The following SYNPO2 variants were observed in gnomAD, a reference collection of about 807,000 sequenced individuals.
SYNPO2 encodes the protein synaptopodin 2.
SYNPO2 carries 56 observed loss-of-function variants against 85.0 expected under a neutral mutation model. That is an observed-to-expected ratio of 0.66 (90% CI 0.53 to 0.82). The LOEUF is 0.82. Among genes scored for constraint, SYNPO2 ranks in the 40% least tolerant of loss-of-function variants. SYNPO2 has a pLI of 0.00. For missense variants in SYNPO2, 1,575 were observed against 1,534.2 expected (o/e 1.03, Z -0.44); for synonymous variants, 602 against 591.1 (o/e 1.02, Z -0.27).
intron 1 of SYNPO2, among the ~76,000 whole-genome samples, chr4:118,900,149 A>G (rs1417111160): frequency 6.6e-6 from 1 of 152,246 alleles, no homozygotes; most frequent in East Asian, 1.9e-4. Context: ...TTAAAGAATA[A>G]TAAATTTAAA....
chr4:118,905,087 C>G (rs987972383), intron 1 of SYNPO2, among the ~76,000 whole-genome samples: 1 of 152,142 alleles, frequency 6.6e-6, no homozygotes, highest in Non-Finnish European at 1.5e-5. Flanking sequence ...CCATCCTACC[C>G]GCATGCTACA....
intron 1 of SYNPO2, among the ~76,000 whole-genome samples, chr4:119,023,067 C>T (rs914966397): frequency 7.9e-5 from 12 of 152,108 alleles, no homozygotes; most frequent in South Asian, 2.1e-4. Flanking sequence ...TAAGCCACCA[C>T]GCCTGGCCTG....
intron 1 of SYNPO2, among the ~76,000 whole-genome samples, chr4:118,880,966 C>A (rs1321750509): frequency 6.6e-6 from 1 of 151,862 alleles, no homozygotes; most frequent in Non-Finnish European, 1.5e-5. Flanking sequence ...AAAATGAGGT[C>A]TTTAGGGTGG....
intron 1 of SYNPO2, among the ~76,000 whole-genome samples, chr4:118,960,403 A>G (rs1020258643): frequency 6.6e-6 from 1 of 152,264 alleles, no homozygotes; most frequent in African/African-American, 2.4e-5. Flanking sequence ...AATACTAGCA[A>G]GAATATGGAG....
rs115317282 is a variant in SYNPO2, at chr4:118,986,056, A to T, written c.106-37374A>T. Reference sequence around the variant, plus strand: ...ATTCTGTGGACAAGGATGTGACTCTATGAAAGAAACCTTCTTCCCCTCTGC... The same window carrying T: ...ATTCTGTGGACAAGGATGTGACTCTTTGAAAGAAACCTTCTTCCCCTCTGC... On this transcript the variant is annotated intron_variant, in intron 1 of 4. Coordinates refer to ENST00000307142, the MANE Select transcript of SYNPO2 (RefSeq NM_133477.3). Among the ~76,000 whole-genome samples the T allele has an allele frequency of 6.6e-3, 1,004 of 152,324 alleles. 9 individuals are homozygous for T. Among genetic ancestry groups the T allele is most frequent in the Middle Eastern group, 0.031 (9 of 294 alleles).
intron 1 of SYNPO2, among the ~76,000 whole-genome samples, chr4:118,948,768 A>G (rs1037894436): frequency 6.6e-6 from 1 of 152,218 alleles, no homozygotes; most frequent in African/African-American, 2.4e-5. Flanking sequence ...GACATTCATG[A>G]GTGATTCGTT....
intron 1 of SYNPO2, among the ~76,000 whole-genome samples, chr4:118,915,027 A>G (rs1733266368): frequency 6.6e-6 from 1 of 151,796 alleles, no homozygotes; most frequent in South Asian, 2.1e-4. Context: ...AAAAAACAGA[A>G]AAATCAATGA....
intron 1 of SYNPO2, among the ~76,000 whole-genome samples, chr4:118,859,528 T>A (rs1399938596): frequency 2.0e-5 from 3 of 152,206 alleles, no homozygotes; most frequent in Non-Finnish European, 4.4e-5. Flanking sequence ...ATCTAACTAC[T>A]TTTTTGTACC....
intron 1 of SYNPO2, among the ~76,000 whole-genome samples, chr4:118,952,431 G>T (rs1734733395): frequency 6.6e-6 from 1 of 151,834 alleles, no homozygotes; most frequent in Admixed American, 6.6e-5. Context: ...TGCACAATGT[G>T]CAGGTTTGTT....
At chr4:118,981,329 C>T (rs1009336396) in intron 1 of SYNPO2, among the ~76,000 whole-genome samples, 1 of 152,204 alleles carries the variant, frequency 6.6e-6, no homozygotes, top group South Asian at 2.1e-4. Flanking sequence ...AATTCCTAAG[C>T]CTGCTCACAT....
At chr4:119,025,927 AG>A (rs1329312663) in intron 2 of SYNPO2, among the ~76,000 whole-genome samples, 2 of 152,224 alleles carry the variant, frequency 1.3e-5, no homozygotes, top group African/African-American at 2.4e-5. Flanking sequence ...TGAGAGATAA[AG>A]GAACAGTTTG....
At chr4:118,900,780 T>TATCTATCTATC (rs1332108981) in intron 1 of SYNPO2, among the ~76,000 whole-genome samples, 4 of 147,888 alleles carry the variant, frequency 2.7e-5, no homozygotes, top group African/African-American at 7.5e-5. Context: ...TCTATCTATC[T>TATCTATCTATC]ATCTATAGAT....
At chr4:119,012,381 T>C (rs553701157) in intron 1 of SYNPO2, among the ~76,000 whole-genome samples, 1 of 125,652 alleles carries the variant, frequency 8.0e-6, no homozygotes, top group East Asian at 2.3e-4. Flanking sequence ...TTTTCTTTTT[T>C]TTTTTTTTTT....
intron 1 of SYNPO2, among the ~76,000 whole-genome samples, chr4:118,918,046 G>A (rs963614377): frequency 1.3e-5 from 2 of 152,254 alleles, no homozygotes; most frequent in South Asian, 2.1e-4. Context: ...AGAGAAAGTA[G>A]GTGAAGAGTG....
intron 1 of SYNPO2, among the ~76,000 whole-genome samples, chr4:118,857,612 ATT>A (rs1731528696): frequency 1.3e-5 from 2 of 152,234 alleles, no homozygotes; most frequent in Non-Finnish European, 2.9e-5. Context: ...AATCTGTGAA[ATT>A]ACTAACATTT....
At chr4:119,035,091 T>C (rs1293345990) in intron 4 of SYNPO2, 5 of 985,384 alleles carry the variant, frequency 5.1e-6, no homozygotes, top group African/African-American at 1.7e-5. Context: ...AGGTGCCTTA[T>C]GTATATTATC....
At chr4:118,938,321 A>G (rs963151325) in intron 1 of SYNPO2, among the ~76,000 whole-genome samples, 2 of 152,142 alleles carry the variant, frequency 1.3e-5, no homozygotes, top group African/African-American at 4.8e-5. Flanking sequence ...TTCCATCTCA[A>G]TTTAAAGAAA....
rs1738177359 is a variant in SYNPO2, at chr4:119,030,424, T to C, written c.1649T>C (p.Val550Ala). ...EEESVRTQSSVSKSYIEVSHG... is the reference protein window; with the variant it reads ...EEESVRTQSSASKSYIEVSHG... ...GAGTCGGTAAGAACGCAGAGCTCTG[T>C]GAGCAAAAGCTACATCGAGGTGAGT... is the stretch of plus-strand genomic sequence containing the variant. Residue 550 changes from valine to alanine, a missense_variant, in exon 4 of 5, where the codon GTG becomes GCG. Coordinates refer to ENST00000307142, the MANE Select transcript of SYNPO2 (RefSeq NM_133477.3). 1 of 1,614,066 alleles carries C rather than the reference T, an allele frequency of 6.2e-7. No individual in the cohort carries two copies. The highest frequency in any genetic ancestry group is 8.5e-7 in the Non-Finnish European group (1 of 1,180,014).
chr4:118,857,640 A>T (rs1731529108), intron 1 of SYNPO2, among the ~76,000 whole-genome samples: 1 of 152,252 alleles, frequency 6.6e-6, no homozygotes, highest in South Asian at 2.1e-4. Context: ...TTTTTCACAG[A>T]TTAACATAAC....
Sources: gnomAD v4.1 joint callset for allele counts (sites outside exome capture counted in the v4.1 genomes callset) on GRCh38, gnomAD v4.1.1 for gene constraint, MANE v1.5 for transcripts, NCBI Gene and HGNC (gene_info 2026-07-23, HGNC 2026-07-21) for gene names.